The following RBMS3 variants were observed in gnomAD, a reference collection of about 807,000 sequenced individuals.
RBMS3 encodes the protein RNA binding motif single stranded interacting protein 3.
RBMS3 carries 27 observed loss-of-function variants against 66.8 expected under a neutral mutation model. The ratio of observed to expected loss-of-function variants is 0.40; its 90% CI spans 0.30 to 0.56. The LOEUF is 0.56. Among genes scored for constraint, RBMS3 ranks in the 20% least tolerant of loss-of-function variants. The probability of loss-of-function intolerance (pLI) is 0.40; values close to 1 mark genes in which losing one functional copy is unlikely to be tolerated. For missense variants in RBMS3, 513 were observed against 549.5 expected, an observed-to-expected ratio of 0.93 and a Z score of 0.66; for synonymous variants, 188 against 183.0, an observed-to-expected ratio of 1.03 and a Z score of -0.22.
chr3:29,465,315 A>T (rs1017538836), intron 2 of RBMS3, among the ~76,000 whole-genome samples: 1 of 152,188 alleles, frequency 6.6e-6, no homozygotes, highest in Non-Finnish European at 1.5e-5. Context: ...GTAATGCTTG[A>T]GCATTAGTAG....
chr3:29,510,876 C>T (rs1200272971), intron 3 of RBMS3, among the ~76,000 whole-genome samples: 2 of 152,144 alleles, frequency 1.3e-5, no homozygotes, highest in African/African-American at 2.4e-5. Flanking sequence ...TTATTGTGTG[C>T]CCACTCTGTG....
At chr3:29,609,051 C>T (rs1034046409) in intron 4 of RBMS3, among the ~76,000 whole-genome samples, 1 of 151,742 alleles carries the variant, frequency 6.6e-6, no homozygotes, top group Non-Finnish European at 1.5e-5. Context: ...ATTTTTATTT[C>T]CAAACTGTTG....
intron 4 of RBMS3, among the ~76,000 whole-genome samples, chr3:29,737,499 T>A (rs2054434652): frequency 6.6e-6 from 1 of 152,148 alleles, no homozygotes; most frequent in Admixed American, 6.5e-5. Flanking sequence ...ATTATTAGAT[T>A]GTCCTTGGGC....
Position 29,991,098 on chromosome 3 carries a change from C to T in RBMS3, c.1196C>T (p.Thr399Ile), listed in dbSNP as rs1698844717. 1.2e-6 allele frequency: 2 copies of T among 1,614,040 alleles called. No individual in the cohort carries two copies. Among genetic ancestry groups the T allele is most frequent in the South Asian group, 2.2e-5 (2 of 91,064 alleles). The change falls in exon 14 of 15, where the codon ACC becomes ATC. Residue 399 changes from threonine (T) to isoleucine (I), a missense_variant. Thr to Ile is a moderately conservative substitution (Grantham distance 89). Coordinates refer to ENST00000383767, the MANE Select transcript of RBMS3 (RefSeq NM_001003793.3). ...AVSIEGVVAD[T>I]SPQTVAPSSQ... is the part of the protein sequence containing the mutation. ...CCTCCTTAGGGTGTTGTTGCTGATACCTCTCCCCAGACAGTGGCACCTTCA... is the reference window on the plus strand; with the variant it reads ...CCTCCTTAGGGTGTTGTTGCTGATATCTCTCCCCAGACAGTGGCACCTTCA...
intron 1 of RBMS3, among the ~76,000 whole-genome samples, chr3:29,357,242 C>G (rs1317657530): frequency 6.6e-6 from 1 of 151,872 alleles, no homozygotes; most frequent in South Asian, 2.1e-4. Context: ...TGTTCCCCTT[C>G]CGGTGTTCAA....
chr3:29,754,096 T>C (rs1038596845), intron 5 of RBMS3, among the ~76,000 whole-genome samples: 1 of 151,746 alleles, frequency 6.6e-6, no homozygotes, highest in Non-Finnish European at 1.5e-5. Context: ...TAGCTGAGAT[T>C]ACAGGCGCCC....
Position 29,339,399 on chromosome 3 carries a change from G to A in RBMS3, c.75+57643G>A, listed in dbSNP as rs116552284. On this transcript the variant is annotated intron_variant, in intron 1 of 14. Transcript: ENST00000383767. The stretch of plus-strand genomic sequence containing the variant: ...TCTGAGCACCAGGAAGTGGCTGCAG[G>A]TCCTCGCAGATGTGGAATTTCTGAA... Among the ~76,000 whole-genome samples, 928 of 152,194 alleles carry A rather than the reference G, an allele frequency of 6.1e-3. 18 individuals are homozygous for A. Among genetic ancestry groups the A allele is most frequent in the African/African-American group, 0.021 (871 of 41,526 alleles).
chr3:29,761,839 T>A (rs2055701993), intron 5 of RBMS3, among the ~76,000 whole-genome samples: 1 of 152,130 alleles, frequency 6.6e-6, no homozygotes, highest in African/African-American at 2.4e-5. Context: ...TTGAACACAT[T>A]TTACACATTT....
chr3:29,637,920 C>T (rs1017888987), intron 4 of RBMS3, among the ~76,000 whole-genome samples: 1 of 151,882 alleles, frequency 6.6e-6, no homozygotes, highest in African/African-American at 2.4e-5. Flanking sequence ...TAGTTAGATG[C>T]CACCTTCTTT....
At chr3:29,331,728 GT>G (rs377170954) in intron 1 of RBMS3, among the ~76,000 whole-genome samples, 2 of 149,078 alleles carry the variant, frequency 1.3e-5, no homozygotes, top group African/African-American at 2.5e-5. Flanking sequence ...AAATCACAAG[GT>G]TTTTTTCCAG....
chr3:29,347,728 G>T (rs190338564), intron 1 of RBMS3, among the ~76,000 whole-genome samples: 1 of 152,146 alleles, frequency 6.6e-6, no homozygotes, highest in African/African-American at 2.4e-5. Context: ...GGAGTATAGG[G>T]TGGGGACAGA....
At chr3:29,406,714 TG>T (rs2040029820) in intron 1 of RBMS3, among the ~76,000 whole-genome samples, 1 of 152,252 alleles carries the variant, frequency 6.6e-6, no homozygotes, top group South Asian at 2.1e-4. Context: ...CAAGTTTATA[TG>T]CACATACACA....
chr3:29,380,730 G>T (rs552009582), intron 1 of RBMS3, among the ~76,000 whole-genome samples: 46 of 152,288 alleles, frequency 3.0e-4, no homozygotes, highest in African/African-American at 1.1e-3. Flanking sequence ...TCCACAGATT[G>T]ATGCCAATTT....
intron 6 of RBMS3, among the ~76,000 whole-genome samples, chr3:29,786,393 A>G (rs1440480475): frequency 6.6e-6 from 1 of 152,062 alleles, no homozygotes; most frequent in Non-Finnish European, 1.5e-5. Context: ...CTAAAGCAAG[A>G]CTAAACAAAA....
intron 3 of RBMS3, among the ~76,000 whole-genome samples, chr3:29,518,769 C>T (rs1245005048): frequency 1.3e-5 from 2 of 152,126 alleles, no homozygotes; most frequent in African/African-American, 4.8e-5. Flanking sequence ...TAATATGTAG[C>T]AGAGATGACA....
intron 1 of RBMS3, among the ~76,000 whole-genome samples, chr3:29,303,037 T>C (rs993576118): frequency 1.3e-4 from 20 of 151,992 alleles, no homozygotes; most frequent in African/African-American, 3.6e-4. Context: ...AAAAGGTCTA[T>C]TTCCTAAGGC....
chr3:29,630,419 A>G (rs2049241206), intron 4 of RBMS3, among the ~76,000 whole-genome samples: 1 of 151,972 alleles, frequency 6.6e-6, no homozygotes, highest in Admixed American at 6.6e-5. Context: ...TCTGAGAGGA[A>G]GAATTGGGGA....
chr3:29,507,493 T>C (rs888562987), intron 3 of RBMS3, among the ~76,000 whole-genome samples: 2 of 121,264 alleles, frequency 1.6e-5, no homozygotes, highest in African/African-American at 7.2e-5. Flanking sequence ...ATGATATTAA[T>C]TGCGAAAAAA....
At chr3:29,970,826 G>A (rs1697181639) in intron 12 of RBMS3, among the ~76,000 whole-genome samples, 1 of 152,042 alleles carries the variant, frequency 6.6e-6, no homozygotes, top group African/African-American at 2.4e-5. Context: ...GATTTGGGAT[G>A]TGTTCAGGAA....
Sources: allele counts gnomAD v4.1 joint callset (sites outside exome capture counted in the v4.1 genomes callset), GRCh38; gene constraint gnomAD v4.1.1; transcripts MANE v1.5; gene names NCBI Gene and HGNC (gene_info 2026-07-23, HGNC 2026-07-21).